MGLL: variants seen among roughly 807,000 people sequenced by gnomAD.
MGLL encodes the protein monoglyceride lipase, also known as lysophospholipase homolog.
In MGLL, 7 loss-of-function variants were observed where a neutral mutation model predicts 29.1. The ratio of observed to expected loss-of-function variants is 0.24; its 90% confidence interval spans 0.14 to 0.45. The LOEUF (loss-of-function observed/expected upper bound fraction) is 0.45. Ranked by LOEUF, MGLL falls within the 20% of genes least tolerant of loss-of-function variation. The pLI is 0.99. For missense variants in MGLL, 356 were observed against 413.6 expected, an observed-to-expected ratio of 0.86 and a Z score of 1.21; for synonymous variants, 148 against 168.3, an observed-to-expected ratio of 0.88 and a Z score of 0.93.
chr3:127,748,518 T>C (rs1378845402), intron 3 of MGLL, among the ~76,000 whole-genome samples: 1 of 151,846 alleles, frequency 6.6e-6, no homozygotes, highest in Non-Finnish European at 1.5e-5. Flanking sequence ...TAACCTCTAG[T>C]ACCTCCGAAT....
intron 3 of MGLL, among the ~76,000 whole-genome samples, chr3:127,755,729 T>C (rs1000056884): frequency 4.6e-5 from 7 of 152,248 alleles, no homozygotes; most frequent in African/African-American, 1.7e-4. Flanking sequence ...TTACCTAATA[T>C]ACTTCTTAAT....
chr3:127,748,429 G>GGAGAGA (rs368580991), intron 3 of MGLL, among the ~76,000 whole-genome samples: 1 of 113,004 alleles, frequency 8.8e-6, no homozygotes, highest in East Asian at 2.2e-4. Flanking sequence ...AGAGAGAGAG[G>GGAGAGA]GAGAGAGAGA....
At chr3:127,692,648 G>A (rs2075269664) in intron 7 of MGLL, among the ~76,000 whole-genome samples, 1 of 152,066 alleles carries the variant, frequency 6.6e-6, no homozygotes, top group African/African-American at 2.4e-5. Context: ...TCCACTCCCG[G>A]CCTCACATCC....
chr3:127,703,585 A>G (rs561895914), intron 6 of MGLL, among the ~76,000 whole-genome samples: 3 of 152,342 alleles, frequency 2.0e-5, no homozygotes, highest in African/African-American at 7.2e-5. Context: ...TCTGCAGTTT[A>G]CTTTCACATG....
At chr3:127,698,149 A>G (rs2075408731) in intron 6 of MGLL, among the ~76,000 whole-genome samples, 1 of 152,160 alleles carries the variant, frequency 6.6e-6, no homozygotes, top group Non-Finnish European at 1.5e-5. Flanking sequence ...CCTGGGGCCC[A>G]GCCACCAGAT....
chr3:127,728,148 AAC>A (rs1229289166), intron 3 of MGLL, among the ~76,000 whole-genome samples: 1 of 152,244 alleles, frequency 6.6e-6, no homozygotes, highest in Non-Finnish European at 1.5e-5. Context: ...TACTTGACAC[AAC>A]AGTCAGAAAT....
chr3:127,738,899 T>C (rs575097695), intron 3 of MGLL, among the ~76,000 whole-genome samples: 2 of 152,340 alleles, frequency 1.3e-5, no homozygotes, highest in East Asian at 1.9e-4. Context: ...TTCTGTAGTC[T>C]TACCAATGCC....
Position 127,689,409 on chromosome 3 carries a change from C to T in MGLL, c.*2789G>A, listed in dbSNP as rs1011035010. 6.6e-6 allele frequency: 1 copy of T among 151,540 alleles called. No individual in the cohort carries two copies. Among genetic ancestry groups the T allele is most frequent in the Non-Finnish European group, 1.5e-5 (1 of 68,054 alleles). 9.4% of individuals were successfully genotyped at this position (151,540 alleles called of 1,614,324 possible). A position where few individuals can be genotyped will look rare whatever the true frequency, so the allele number is the denominator to read the frequency against. ...GCTGGAAGGGAGGGAGGCTGACTCT[C>T]TACCCCTCACCTCTGCAAGGAACTG... On this transcript the variant is annotated 3_prime_UTR_variant, in exon 8 of 8. Coordinates refer to ENST00000265052, the MANE Select transcript of MGLL (RefSeq NM_007283.7).
chr3:127,800,819 C>A (rs1374708584), intron 2 of MGLL, among the ~76,000 whole-genome samples: 1 of 152,208 alleles, frequency 6.6e-6, no homozygotes, highest in Non-Finnish European at 1.5e-5. Flanking sequence ...ATGTGCTTCA[C>A]CCCCTGAGGT....
At chr3:127,697,664 T>C (rs889655942) in intron 6 of MGLL, among the ~76,000 whole-genome samples, 6 of 152,208 alleles carry the variant, frequency 3.9e-5, no homozygotes, top group African/African-American at 1.4e-4. Context: ...GCAGGGGCTG[T>C]GTGCACATTC....
At chr3:127,754,535 C>T (rs2076623247) in intron 3 of MGLL, among the ~76,000 whole-genome samples, 1 of 152,182 alleles carries the variant, frequency 6.6e-6, no homozygotes, top group South Asian at 2.1e-4. Context: ...AGCAGTACCG[C>T]CTGTGTCCAT....
intron 3 of MGLL, among the ~76,000 whole-genome samples, chr3:127,742,870 A>C (rs1576535224): frequency 6.6e-6 from 1 of 152,174 alleles, no homozygotes; most frequent in East Asian, 1.9e-4. Flanking sequence ...GCTGGTGTGC[A>C]GTGGCGGGAT....
Position 127,774,927 on chromosome 3 carries a change from C to T in MGLL, c.262+6862G>A, listed in dbSNP as rs117536766. ...TGTTATTATCATGGTCCTCATTTTA[C>T]AAACGAGCAACTGAGCCACATGGAG... On this transcript the variant is annotated intron_variant, in intron 3 of 7. Coordinates refer to ENST00000265052, the MANE Select transcript of MGLL (RefSeq NM_007283.7). 8.4e-4 allele frequency among the ~76,000 whole-genome samples: 128 copies of T among 151,984 alleles called. 3 individuals are homozygous for T. The East Asian group carries it at 0.025, about 29-fold the overall frequency.
chr3:127,753,303 C>T (rs566998171), intron 3 of MGLL, among the ~76,000 whole-genome samples: 3 of 152,304 alleles, frequency 2.0e-5, no homozygotes, highest in Non-Finnish European at 4.4e-5. Flanking sequence ...ATTCCCTTCA[C>T]CCAAAGCAGA....
chr3:127,791,995 T>C (rs1268533557), intron 2 of MGLL, among the ~76,000 whole-genome samples: 1 of 152,042 alleles, frequency 6.6e-6, no homozygotes, highest in Non-Finnish European at 1.5e-5. Context: ...TTGAACCCAG[T>C]AGGCAGAGGT....
chr3:127,696,270 C>T (rs1351766083), intron 6 of MGLL, among the ~76,000 whole-genome samples: 1 of 152,038 alleles, frequency 6.6e-6, no homozygotes, highest in East Asian at 1.9e-4. Flanking sequence ...TTCACTCTTC[C>T]TGCCTCCATA....
At chr3:127,717,447 T>C (rs1198930424) in intron 5 of MGLL, among the ~76,000 whole-genome samples, 1 of 152,196 alleles carries the variant, frequency 6.6e-6, no homozygotes, top group Non-Finnish European at 1.5e-5. Flanking sequence ...AAATTGGGAA[T>C]AATTTCCCCT....
intron 3 of MGLL, among the ~76,000 whole-genome samples, chr3:127,725,745 G>A (rs1214844853): frequency 6.6e-6 from 1 of 152,142 alleles, no homozygotes; most frequent in East Asian, 1.9e-4. Flanking sequence ...ACACATTTAT[G>A]AATATAAAAA....
At position 127,692,853 on chromosome 3, in the gene MGLL, T is replaced by C. The variant is rs966139753; in HGVS notation, c.817-530A>G. Among the ~76,000 whole-genome samples the C allele has an allele frequency of 3.9e-5, 6 of 152,328 alleles. No individual in the cohort carries two copies. In the East Asian group the frequency reaches 1.2e-3, roughly 29 times the overall value. On this transcript the variant is annotated intron_variant, in intron 7 of 7. Transcript: ENST00000265052. Reference sequence around the variant, plus strand: ...GTTCCATGGCTTTAACTTTTGATTTTCTTTCAACCTAGCCGGCAGATCCTT... The same window carrying C: ...GTTCCATGGCTTTAACTTTTGATTTCCTTTCAACCTAGCCGGCAGATCCTT...
Sources: allele counts gnomAD v4.1 joint callset (sites outside exome capture counted in the v4.1 genomes callset), GRCh38; gene constraint gnomAD v4.1.1; transcripts MANE v1.5; gene names NCBI Gene and HGNC (gene_info 2026-07-23, HGNC 2026-07-21).